Variants in PCCA observed in about 807,000 individuals in gnomAD.
PCCA encodes propionyl-CoA carboxylase subunit alpha.
Under a neutral mutation model 101.3 loss-of-function variants are expected in PCCA, and 74 were observed. The ratio of observed to expected loss-of-function variants is 0.73; its 90% CI spans 0.61 to 0.89. PCCA has a LOEUF of 0.89. Among genes scored for constraint, PCCA ranks in the 40% least tolerant of loss-of-function variants. The pLI, the probability that PCCA is intolerant of heterozygous loss-of-function variation, is 0.00. For synonymous variants in PCCA, 294 were observed against 313.6 expected, an observed-to-expected ratio of 0.94 and a Z score of 0.66; for missense variants, 891 against 907.0, an observed-to-expected ratio of 0.98 and a Z score of 0.23.
intron 6 of PCCA, among the ~76,000 whole-genome samples, chr13:100,183,704 A>G (rs1566655019): frequency 6.6e-6 from 1 of 152,126 alleles, no homozygotes; most frequent in African/African-American, 2.4e-5. Context: ...TGGCAGAAAA[A>G]GGGGTGCTGC....
intron 7 of PCCA, among the ~76,000 whole-genome samples, chr13:100,233,118 TA>T (rs1406499092): frequency 6.6e-6 from 1 of 152,250 alleles, no homozygotes; most frequent in Non-Finnish European, 1.5e-5. Context: ...CTCATGTGGG[TA>T]TATCTGTAGG....
chr13:100,462,264 G>A (rs779801888), intron 21 of PCCA, among the ~76,000 whole-genome samples: 6 of 152,128 alleles, frequency 3.9e-5, no homozygotes, highest in East Asian at 3.8e-4. Flanking sequence ...ATATAACTAC[G>A]TTTTTATTCT....
chr13:100,194,143 G>A (rs1283822622), intron 6 of PCCA, among the ~76,000 whole-genome samples: 1 of 151,738 alleles, frequency 6.6e-6, no homozygotes, highest in Admixed American at 6.6e-5. Context: ...GCTTTATAAT[G>A]TAGGCTATAG....
chr13:100,471,155 A>C (rs1030396298), intron 21 of PCCA, among the ~76,000 whole-genome samples: 1 of 152,166 alleles, frequency 6.6e-6, no homozygotes, highest in African/African-American at 2.4e-5. Context: ...TAATTTCAAT[A>C]CTGTTGTGTC....
intron 6 of PCCA, among the ~76,000 whole-genome samples, chr13:100,205,516 G>A (rs6491553): frequency 7.1e-6 from 1 of 141,096 alleles, no homozygotes; most frequent in Non-Finnish European, 1.5e-5. Flanking sequence ...ACAAAAAATA[G>A]TCACTAAATA....
intron 6 of PCCA, among the ~76,000 whole-genome samples, chr13:100,196,631 G>T (rs1208274002): frequency 1.3e-5 from 2 of 152,100 alleles, no homozygotes; most frequent in African/African-American, 4.8e-5. Flanking sequence ...GAAAGACACA[G>T]GTTCCTTTGG....
At chr13:100,470,483 T>G (rs1246912000) in intron 21 of PCCA, among the ~76,000 whole-genome samples, 1 of 152,112 alleles carries the variant, frequency 6.6e-6, no homozygotes, top group Non-Finnish European at 1.5e-5. Flanking sequence ...GGTTTAATGT[T>G]GCTAAATGAG....
chr13:100,253,029 G>T (rs2061855007), intron 8 of PCCA, among the ~76,000 whole-genome samples: 1 of 152,114 alleles, frequency 6.6e-6, no homozygotes, highest in East Asian at 1.9e-4. Context: ...TAGGTTCTCA[G>T]TTTAAATACT....
intron 21 of PCCA, among the ~76,000 whole-genome samples, chr13:100,462,052 T>C (rs901008490): frequency 2.0e-5 from 3 of 152,152 alleles, no homozygotes; most frequent in African/African-American, 7.2e-5. Context: ...TTTTCTGATG[T>C]TCAGATATAT....
At chr13:100,234,493 C>T (rs571962094) in intron 7 of PCCA, among the ~76,000 whole-genome samples, 11 of 150,230 alleles carry the variant, frequency 7.3e-5, no homozygotes, top group Non-Finnish European at 1.5e-4. Context: ...AAAAAAACAA[C>T]TTAAAACTGA....
At chr13:100,173,433 C>A (rs145991673) in intron 6 of PCCA, among the ~76,000 whole-genome samples, 2 of 151,990 alleles carry the variant, frequency 1.3e-5, no homozygotes, top group African/African-American at 4.8e-5. Flanking sequence ...AGACATTGAT[C>A]GATATCAAGT....
intron 21 of PCCA, among the ~76,000 whole-genome samples, chr13:100,483,455 A>C (rs1001982715): frequency 2.6e-5 from 4 of 152,196 alleles, no homozygotes; most frequent in Non-Finnish European, 5.9e-5. Context: ...CATCTTCAGC[A>C]TGTGACCGTT....
intron 4 of PCCA, among the ~76,000 whole-genome samples, chr13:100,133,353 T>G (rs1472924318): frequency 2.6e-5 from 4 of 152,246 alleles, no homozygotes; most frequent in African/African-American, 9.6e-5. Context: ...GGTTGTCTTT[T>G]TTGTCCTCTT....
chr13:100,378,195 A>G (rs2076036424), intron 19 of PCCA, among the ~76,000 whole-genome samples: 1 of 152,140 alleles, frequency 6.6e-6, no homozygotes, highest in Non-Finnish European at 1.5e-5. Context: ...GAAGGATATT[A>G]TTACTGGGTA....
At chr13:100,254,368 T>C (rs1450465712) in intron 8 of PCCA, among the ~76,000 whole-genome samples, 2 of 152,100 alleles carry the variant, frequency 1.3e-5, no homozygotes, top group Admixed American at 6.5e-5. Flanking sequence ...AAATACAGTA[T>C]AGACAAGAGT....
At position 100,262,770 on chromosome 13, in the gene PCCA, T is replaced by A. The variant is rs2062615294; in HGVS notation, c.758T>A (p.Phe253Tyr). 1 of 1,597,016 alleles carries A rather than the reference T, an allele frequency of 6.3e-7. No homozygotes were observed. Among genetic ancestry groups the A allele is most frequent in the African/African-American group, 1.3e-5 (1 of 74,552 alleles). Residue 253 changes from phenylalanine to tyrosine, a missense_variant, in exon 10 of 24, where the codon TTT becomes TAT. Physicochemically the swap from Phe to Tyr is conservative, Grantham distance 22. Transcript: ENST00000376285. ...RLSSQEAASS[F>Y]GDDRLLIEKF... Reference sequence around the variant, plus strand: ...TCATCTCAAGAAGCTGCTTCTAGTTTTGGCGATGATAGACTACTAATAGAA... The same window carrying A: ...TCATCTCAAGAAGCTGCTTCTAGTTATGGCGATGATAGACTACTAATAGAA...
At chr13:100,520,599 C>T (rs1409507394) in intron 22 of PCCA, among the ~76,000 whole-genome samples, 2 of 130,426 alleles carry the variant, frequency 1.5e-5, no homozygotes, top group Admixed American at 9.2e-5. Context: ...CGCGCCACAG[C>T]ACTCCAGCCT....
intron 18 of PCCA, among the ~76,000 whole-genome samples, chr13:100,361,589 AG>A (rs946180604): frequency 2.0e-5 from 3 of 152,216 alleles, no homozygotes; most frequent in Admixed American, 2.0e-4. Flanking sequence ...AATAAAAATA[AG>A]GCCAATGACC....
chr13:100,201,203 A>C (rs1034715263), intron 6 of PCCA, among the ~76,000 whole-genome samples: 1 of 152,162 alleles, frequency 6.6e-6, no homozygotes, highest in South Asian at 2.1e-4. Context: ...TTATATATAT[A>C]TCTCCTTAGC....
Sources: gnomAD v4.1 joint callset for allele counts (sites outside exome capture counted in the v4.1 genomes callset) on GRCh38, gnomAD v4.1.1 for gene constraint, MANE v1.5 for transcripts, NCBI Gene and HGNC (gene_info 2026-07-23, HGNC 2026-07-21) for gene names.